The following DLG2 variants were observed in gnomAD, a reference collection of about 807,000 sequenced individuals.
The protein encoded by DLG2 is discs large MAGUK scaffold protein 2, also known as disks large homolog 2.
In DLG2, 45 loss-of-function variants were observed where a neutral mutation model predicts 132.5. The observed-to-expected ratio is 0.34, with a 90% CI of 0.27 to 0.44. The LOEUF (loss-of-function observed/expected upper bound fraction) is 0.44, where lower values mean the gene tolerates loss of function less well. Ranked by LOEUF, DLG2 falls within the 20% of genes least tolerant of loss-of-function variation. The probability of loss-of-function intolerance (pLI) is 1.00; values close to 1 mark genes in which losing one functional copy is unlikely to be tolerated. For missense variants in DLG2, 1,045 were observed against 1,196.9 expected, an observed-to-expected ratio of 0.87 and a Z score of 1.87; for synonymous variants, 424 against 419.6, an observed-to-expected ratio of 1.01 and a Z score of -0.13.
At chr11:84,894,518 C>G (rs550329344) in intron 6 of DLG2, among the ~76,000 whole-genome samples, 1 of 152,176 alleles carries the variant, frequency 6.6e-6, no homozygotes, top group African/African-American at 2.4e-5. Context: ...GGGTCTCCTA[C>G]TTGGTGGAGT....
At chr11:84,186,031 T>C (rs2096270081) in intron 8 of DLG2, among the ~76,000 whole-genome samples, 1 of 152,164 alleles carries the variant, frequency 6.6e-6, no homozygotes, top group Non-Finnish European at 1.5e-5. Flanking sequence ...AGAAGTCAGA[T>C]GTTAAACTTA....
At chr11:84,280,690 CTGTTTTTT>C (rs1475342447) in intron 7 of DLG2, among the ~76,000 whole-genome samples, 3 of 70,766 alleles carry the variant, frequency 4.2e-5, no homozygotes, top group Non-Finnish European at 7.9e-5. Context: ...CTATAAATAA[CTGTTTTTT>C]TGTTTTTTGT....
At chr11:83,535,983 C>T (rs912314854) in intron 20 of DLG2, among the ~76,000 whole-genome samples, 3 of 152,296 alleles carry the variant, frequency 2.0e-5, no homozygotes, top group East Asian at 3.9e-4. Flanking sequence ...TGTCTGTCCA[C>T]AGCCACTCAG....
chr11:84,057,602 C>G lies in DLG2; in HGVS notation c.919+1713G>C, dbSNP rs572053141. Among the ~76,000 whole-genome samples the G allele has an allele frequency of 2.6e-5, 4 of 152,216 alleles. No homozygotes were observed. In the South Asian group the frequency reaches 8.3e-4, roughly 32 times the overall value. On this transcript the variant is annotated intron_variant, in intron 11 of 27. Transcript: ENST00000376104. ...CATTTGAATTTGACCCATGAGGAAT[C>G]TCTGAATATTTTCATTACATTACCA...
chr11:83,998,467 G>A (rs533811667), intron 11 of DLG2, among the ~76,000 whole-genome samples: 1 of 152,080 alleles, frequency 6.6e-6, no homozygotes, highest in Non-Finnish European at 1.5e-5. Flanking sequence ...ACAGAAAAGT[G>A]ACACAAAATA....
chr11:85,011,768 T>G (rs2059163016), intron 6 of DLG2, among the ~76,000 whole-genome samples: 1 of 152,202 alleles, frequency 6.6e-6, no homozygotes, highest in Non-Finnish European at 1.5e-5. Context: ...AATTCCAGTC[T>G]CTTATAAGAC....
chr11:84,284,426 T>C (rs1319486553), intron 7 of DLG2, among the ~76,000 whole-genome samples: 2 of 152,250 alleles, frequency 1.3e-5, no homozygotes, highest in Non-Finnish European at 2.9e-5. Flanking sequence ...CATTCAGTCA[T>C]GTCTCAAACC....
chr11:84,397,227 T>C (rs1042037279), intron 7 of DLG2, among the ~76,000 whole-genome samples: 4 of 152,174 alleles, frequency 2.6e-5, no homozygotes, highest in African/African-American at 9.7e-5. Flanking sequence ...AGCCCTTGCT[T>C]CCAAGTATTA....
At chr11:84,527,357 T>A (rs1481632110) in intron 7 of DLG2, among the ~76,000 whole-genome samples, 1 of 152,172 alleles carries the variant, frequency 6.6e-6, no homozygotes, top group African/African-American at 2.4e-5. Context: ...AGTATAAAAA[T>A]ACACATTGTT....
intron 7 of DLG2, among the ~76,000 whole-genome samples, chr11:84,285,709 C>G (rs919443363): frequency 9.2e-5 from 14 of 152,176 alleles, no homozygotes; most frequent in African/African-American, 3.4e-4. Context: ...CTGCCCTATA[C>G]CTTACTCACG....
intron 18 of DLG2, among the ~76,000 whole-genome samples, chr11:83,687,844 C>G (rs1415091315): frequency 1.3e-5 from 2 of 151,726 alleles, no homozygotes; most frequent in Non-Finnish European, 2.9e-5. Flanking sequence ...AACAAACAAA[C>G]AAAAAATACC....
chr11:85,341,334 A>G (rs1288841403), intron 3 of DLG2, among the ~76,000 whole-genome samples: 1 of 152,064 alleles, frequency 6.6e-6, no homozygotes, highest in East Asian at 1.9e-4. Flanking sequence ...GTTAGCCAAG[A>G]TGGTCTCCAT....
At chr11:84,021,935 C>G (rs1222053335) in intron 11 of DLG2, among the ~76,000 whole-genome samples, 1 of 151,902 alleles carries the variant, frequency 6.6e-6, no homozygotes. Context: ...TTAGTAGAGA[C>G]GGGGTTTCTC....
intron 3 of DLG2, among the ~76,000 whole-genome samples, chr11:85,516,686 A>C (rs890372891): frequency 6.6e-6 from 1 of 152,108 alleles, no homozygotes; most frequent in Admixed American, 6.6e-5. Flanking sequence ...GAAATGAATA[A>C]ATTCCTGAAC....
intron 5 of DLG2, among the ~76,000 whole-genome samples, chr11:85,136,796 A>C (rs1287964477): frequency 6.6e-6 from 1 of 152,146 alleles, no homozygotes; most frequent in African/African-American, 2.4e-5. Context: ...CTAGAATCTA[A>C]GCCCCTTGAG....
intron 3 of DLG2, among the ~76,000 whole-genome samples, chr11:85,356,776 G>GTAGATAGATAGA (rs58735940): frequency 3.3e-4 from 48 of 147,290 alleles, no homozygotes; most frequent in Non-Finnish European, 5.2e-4. Flanking sequence ...CAGTAGGTAA[G>GTAGATAGATAGA]TAGATAGATA....
chr11:85,136,968 G>A (rs2076177260), intron 5 of DLG2, among the ~76,000 whole-genome samples: 1 of 151,714 alleles, frequency 6.6e-6, no homozygotes, highest in Non-Finnish European at 1.5e-5. Flanking sequence ...ATTCATATGA[G>A]AACCATATAT....
At chr11:84,317,088 C>T in intron 7 of DLG2, 1 of 1,612,866 alleles carries the variant, frequency 6.2e-7, no homozygotes. Context: ...CTCCTGACGG[C>T]ATCCATCCCA....
At chr11:84,512,262 C>A (rs1565153206) in intron 7 of DLG2, among the ~76,000 whole-genome samples, 1 of 152,100 alleles carries the variant, frequency 6.6e-6, no homozygotes, top group Non-Finnish European at 1.5e-5. Context: ...TTCAGCTTTT[C>A]TGCATGCAAG....
Sources: allele counts gnomAD v4.1 joint callset (sites outside exome capture counted in the v4.1 genomes callset), GRCh38; gene constraint gnomAD v4.1.1; transcripts MANE v1.5; gene names NCBI Gene and HGNC (gene_info 2026-07-23, HGNC 2026-07-21).